The following KAZN variants were observed in gnomAD, a reference collection of about 807,000 sequenced individuals.
KAZN encodes the protein kazrin.
KAZN carries 40 observed loss-of-function variants against 87.4 expected under a neutral mutation model. The observed-to-expected ratio is 0.46, with a 90% confidence interval of 0.36 to 0.60. KAZN has a LOEUF of 0.60. KAZN is among the 20% of genes least tolerant of loss of function. KAZN has a pLI of 0.00. For synonymous variants in KAZN, 466 were observed against 458.3 expected, an observed-to-expected ratio of 1.02 and a Z score of -0.22; for missense variants, 898 against 1,073.9, an observed-to-expected ratio of 0.84 and a Z score of 2.29.
rs145392827 is a variant in KAZN, at chr1:14,929,335, G to A, written c.227-31349G>A. 8.1e-3 allele frequency among the ~76,000 whole-genome samples: 1,231 copies of A among 152,278 alleles called. 19 individuals are homozygous for A. The highest frequency in any genetic ancestry group is 0.017 in the Middle Eastern group (5 of 294). ...CAAAGGGCTGCTAGCTGCTTATTTG[G>A]CTTTCTGAGTCATCACGAAATCTCC... is the stretch of plus-strand genomic sequence containing the variant. On this transcript the variant is annotated intron_variant, in intron 1 of 14. Coordinates refer to ENST00000376030, the MANE Select transcript of KAZN (RefSeq NM_201628.3).
intron 1 of KAZN, among the ~76,000 whole-genome samples, chr1:14,173,907 C>T (rs928219620): frequency 6.6e-6 from 1 of 152,096 alleles, no homozygotes; most frequent in East Asian, 1.9e-4. Context: ...AATAAGAGAG[C>T]TGCTTTTATT....
intron 2 of KAZN, among the ~76,000 whole-genome samples, chr1:14,496,682 G>C (rs1388535106): frequency 6.6e-6 from 1 of 151,704 alleles, no homozygotes; most frequent in Non-Finnish European, 1.5e-5. Flanking sequence ...GAAGCAGCTC[G>C]GCAGCGACTC....
intron 2 of KAZN, among the ~76,000 whole-genome samples, chr1:14,973,949 C>T (rs922952445): frequency 6.6e-6 from 1 of 151,878 alleles, no homozygotes; most frequent in African/African-American, 2.4e-5. Flanking sequence ...AGGGATTTGG[C>T]AGGGCTCAGC....
intron 1 of KAZN, among the ~76,000 whole-genome samples, chr1:14,094,243 G>A (rs1053630336): frequency 2.0e-5 from 3 of 151,972 alleles, no homozygotes; most frequent in African/African-American, 7.3e-5. Context: ...GTTTTTTTGA[G>A]CCCTAATATC....
At chr1:14,273,876 G>A (rs975396337) in intron 2 of KAZN, among the ~76,000 whole-genome samples, 4 of 151,976 alleles carry the variant, frequency 2.6e-5, no homozygotes, top group African/African-American at 9.7e-5. Flanking sequence ...TGATGAAAAG[G>A]ATTTCCTAAG....
chr1:14,358,434 T>A (rs1184133719), intron 2 of KAZN, among the ~76,000 whole-genome samples: 1 of 152,120 alleles, frequency 6.6e-6, no homozygotes, highest in Non-Finnish European at 1.5e-5. Flanking sequence ...TCAGTTCTGC[T>A]CTGATTTTAG....
At chr1:14,841,075 G>T (rs1042257873) in intron 1 of KAZN, among the ~76,000 whole-genome samples, 3 of 152,140 alleles carry the variant, frequency 2.0e-5, no homozygotes, top group Admixed American at 6.5e-5. Flanking sequence ...AATACATTTG[G>T]CACATTTGTG....
intron 2 of KAZN, chr1:14,180,719 G>T: frequency 2.9e-6 from 2 of 678,882 alleles, no homozygotes; most frequent in East Asian, 5.6e-5. Flanking sequence ...TAACAGATTG[G>T]ATATGTTGAG....
intron 2 of KAZN, among the ~76,000 whole-genome samples, chr1:14,210,727 TAAA>T (rs1646837179): frequency 6.6e-6 from 1 of 152,018 alleles, no homozygotes; most frequent in South Asian, 2.1e-4. Flanking sequence ...ACAATAATAA[TAAA>T]CCCATTTTAT....
At chr1:14,672,009 TA>T (rs1639947003) in intron 1 of KAZN, among the ~76,000 whole-genome samples, 1 of 152,256 alleles carries the variant, frequency 6.6e-6, no homozygotes, top group African/African-American at 2.4e-5. Context: ...GGCCTTTCAT[TA>T]CTTTAGAGCT....
At chr1:14,318,595 C>A (rs1655818258) in intron 2 of KAZN, among the ~76,000 whole-genome samples, 1 of 152,048 alleles carries the variant, frequency 6.6e-6, no homozygotes. Flanking sequence ...TATAGTATCA[C>A]CAAATTTGGA....
intron 2 of KAZN, among the ~76,000 whole-genome samples, chr1:14,203,787 G>A (rs546728706): frequency 2.6e-5 from 4 of 152,320 alleles, no homozygotes; most frequent in African/African-American, 9.6e-5. Context: ...CCATTAAGAT[G>A]ATATGGTAGG....
At chr1:14,891,569 G>A (rs571845552) in intron 1 of KAZN, among the ~76,000 whole-genome samples, 1 of 152,286 alleles carries the variant, frequency 6.6e-6, no homozygotes, top group East Asian at 1.9e-4. Context: ...CTGGGCTAAA[G>A]CAGTTAAAGA....
At chr1:13,968,552 G>A (rs965448457) in intron 1 of KAZN, among the ~76,000 whole-genome samples, 3 of 152,056 alleles carry the variant, frequency 2.0e-5, no homozygotes, top group South Asian at 2.1e-4. Context: ...ATCTACTTCC[G>A]CATTGTCCAT....
intron 1 of KAZN, among the ~76,000 whole-genome samples, chr1:14,167,446 G>A (rs1645854545): frequency 6.6e-6 from 1 of 152,122 alleles, no homozygotes; most frequent in African/African-American, 2.4e-5. Context: ...ATGGAGGCAG[G>A]GCATGGTGGC....
At chr1:14,133,376 AAAAAGAAAGAAAGAAAGAAAGAAAG>A (rs1478606896) in intron 1 of KAZN, among the ~76,000 whole-genome samples, 4 of 75,920 alleles carry the variant, frequency 5.3e-5, no homozygotes, top group African/African-American at 3.0e-4. Flanking sequence ...AAAAAAAAAA[AAAAAGAAAGAAAGAAAGAAAGAAAG>A]AAAGAAAGAA....
Position 15,033,734 on chromosome 1 carries a change from C to T in KAZN, c.419-1015C>T, listed in dbSNP as rs1408393122. ...AGAAGTGTCTGTTCAGATCCTTTGC[C>T]CATTTTGTTTGTTTGTTTGTTTGTA... On this transcript the variant is annotated intron_variant, in intron 2 of 14. Coordinates refer to ENST00000376030, the MANE Select transcript of KAZN (RefSeq NM_201628.3). Among the ~76,000 whole-genome samples, 5 of 152,030 alleles carry T rather than the reference C, an allele frequency of 3.3e-5. No homozygotes were observed. The East Asian group carries it at 9.6e-4, about 29-fold the overall frequency.
At chr1:14,041,770 A>T (rs1179461785) in intron 1 of KAZN, among the ~76,000 whole-genome samples, 1 of 152,194 alleles carries the variant, frequency 6.6e-6, no homozygotes, top group Non-Finnish European at 1.5e-5. Flanking sequence ...TTTCCTACAG[A>T]GTACTAGAGA....
chr1:14,789,609 G>T (rs1393791372), intron 1 of KAZN, among the ~76,000 whole-genome samples: 1 of 151,776 alleles, frequency 6.6e-6, no homozygotes, highest in Non-Finnish European at 1.5e-5. Flanking sequence ...GTGATCAGAT[G>T]GGACCTGGTC....
Sources: gnomAD v4.1 joint callset for allele counts (sites outside exome capture counted in the v4.1 genomes callset) on GRCh38, gnomAD v4.1.1 for gene constraint, MANE v1.5 for transcripts, NCBI Gene and HGNC (gene_info 2026-07-23, HGNC 2026-07-21) for gene names.